The following ACSS3 variants were observed in gnomAD, a reference collection of about 807,000 sequenced individuals.
The protein encoded by ACSS3 is acyl-CoA synthetase short chain family member 3.
A neutral mutation model predicts 84.2 loss-of-function variants in ACSS3; 64 were observed. The ratio of observed to expected loss-of-function variants is 0.76; its 90% CI spans 0.62 to 0.94. ACSS3 has a LOEUF of 0.94. ACSS3 is among the 40% of genes least tolerant of loss of function. ACSS3 has a pLI of 0.00. For missense variants in ACSS3, 815 were observed against 867.6 expected (o/e 0.94, Z 0.76); for synonymous variants, 317 against 310.1 (o/e 1.02, Z -0.23).
chr12:81,246,223 C>T (rs1217779112), intron 13 of ACSS3, among the ~76,000 whole-genome samples: 1 of 152,074 alleles, frequency 6.6e-6, no homozygotes, highest in African/African-American at 2.4e-5. Flanking sequence ...AAGGGGCACA[C>T]CTTAATTGCT....
chr12:81,162,246 G>A (rs1887189171), intron 7 of ACSS3, among the ~76,000 whole-genome samples: 1 of 152,172 alleles, frequency 6.6e-6, no homozygotes, highest in East Asian at 1.9e-4. Flanking sequence ...AAGTGGGTAG[G>A]TCCTGTCCAC....
At chr12:81,148,165 A>G (rs1358158705) in intron 5 of ACSS3, among the ~76,000 whole-genome samples, 1 of 152,124 alleles carries the variant, frequency 6.6e-6, no homozygotes, top group Admixed American at 6.5e-5. Context: ...CCATTAAAAA[A>G]AAAAACTTAT....
chr12:81,155,205 G>A (rs1308480619), intron 7 of ACSS3, among the ~76,000 whole-genome samples: 1 of 152,092 alleles, frequency 6.6e-6, no homozygotes, highest in Non-Finnish European at 1.5e-5. Context: ...CTTCCATCCT[G>A]ACAGCTTGTT....
intron 7 of ACSS3, among the ~76,000 whole-genome samples, chr12:81,156,252 A>G (rs1043271469): frequency 6.6e-6 from 1 of 151,034 alleles, no homozygotes; most frequent in Non-Finnish European, 1.5e-5. Flanking sequence ...TATATATCTC[A>G]AACTGATTGA....
At chr12:81,209,234 A>G (rs925104671) in intron 9 of ACSS3, among the ~76,000 whole-genome samples, 1 of 152,138 alleles carries the variant, frequency 6.6e-6, no homozygotes. Context: ...GCTGATACAA[A>G]TGACTCTCAG....
intron 13 of ACSS3, among the ~76,000 whole-genome samples, chr12:81,252,044 C>T (rs891017316): frequency 2.0e-5 from 3 of 152,108 alleles, no homozygotes; most frequent in African/African-American, 4.8e-5. Context: ...TTTCCAGCCA[C>T]ATTGGTCTCT....
intron 11 of ACSS3, among the ~76,000 whole-genome samples, chr12:81,229,929 C>G (rs1293398375): frequency 6.6e-6 from 1 of 151,812 alleles, no homozygotes; most frequent in Non-Finnish European, 1.5e-5. Context: ...GCATTTTGTT[C>G]CTGACAGAAT....
intron 11 of ACSS3, among the ~76,000 whole-genome samples, chr12:81,229,643 G>A (rs1391977671): frequency 6.6e-6 from 1 of 151,842 alleles, no homozygotes; most frequent in African/African-American, 2.4e-5. Flanking sequence ...TTAGCAAACA[G>A]TAATAATCAC....
chr12:81,190,757 T>C lies in ACSS3; in HGVS notation c.1251-8584T>C, dbSNP rs576630140. ...TTTTGTTATTAATGTATTATTTGTT[T>C]GGAGAAAAGCTATCAAATTAACAAA... is the stretch of plus-strand genomic sequence containing the variant. On this transcript the variant is annotated intron_variant, in intron 8 of 15. Coordinates refer to ENST00000548058, the MANE Select transcript of ACSS3 (RefSeq NM_024560.4). 1.4e-4 allele frequency among the ~76,000 whole-genome samples: 21 copies of C among 152,142 alleles called. No homozygotes were observed. In the East Asian group the frequency reaches 4.1e-3, roughly 29 times the overall value.
chr12:81,224,718 T>A (rs1417159451), intron 11 of ACSS3, among the ~76,000 whole-genome samples: 1 of 151,874 alleles, frequency 6.6e-6, no homozygotes, highest in Non-Finnish European at 1.5e-5. Flanking sequence ...ATAATTCACC[T>A]TTTAAATTGC....
chr12:81,221,249 A>G (rs1416614015), intron 11 of ACSS3, among the ~76,000 whole-genome samples: 2 of 152,100 alleles, frequency 1.3e-5, no homozygotes, highest in African/African-American at 4.8e-5. Flanking sequence ...TTAACATGAT[A>G]TTGACATCTT....
chr12:81,245,288 C>T (rs1347067083), intron 13 of ACSS3, among the ~76,000 whole-genome samples: 2 of 152,066 alleles, frequency 1.3e-5, no homozygotes, highest in Non-Finnish European at 2.9e-5. Context: ...AGTGAAACCC[C>T]GTCTCTACTA....
chr12:81,213,946 TC>T (rs2032776925), intron 9 of ACSS3, among the ~76,000 whole-genome samples: 3 of 75,764 alleles, frequency 4.0e-5, no homozygotes, highest in Non-Finnish European at 9.0e-5. Flanking sequence ...TCTCTCTCTC[TC>T]TCCCTCTCTC....
chr12:81,234,359 A>G (rs1036686836), intron 13 of ACSS3, among the ~76,000 whole-genome samples: 1 of 151,492 alleles, frequency 6.6e-6, no homozygotes, highest in Non-Finnish European at 1.5e-5. Flanking sequence ...TGTTATACAC[A>G]TTCAAATACA....
At chr12:81,253,209 A>T in intron 13 of ACSS3, 98 bp from the exon 14 acceptor site, 1 of 1,266,812 alleles carries the variant, frequency 7.9e-7, no homozygotes, top group African/African-American at 1.5e-5. Flanking sequence ...CTGAAATTAT[A>T]TGTGTTTGTA....
intron 8 of ACSS3, among the ~76,000 whole-genome samples, chr12:81,179,271 C>CAAAAAAAAAAAAAAAAAAAAAAAAAA (rs71098127): frequency 1.5e-5 from 1 of 66,780 alleles, no homozygotes; most frequent in Non-Finnish European, 2.7e-5. Context: ...AAGTAATTGC[C>CAAAAAAAAAAAAAAAAAAAAAAAAAA]AAAAAAAAAA....
At chr12:81,142,946 A>G (rs1048974505) in intron 4 of ACSS3, among the ~76,000 whole-genome samples, 161 bp from the exon 5 acceptor site, 4 of 152,238 alleles carry the variant, frequency 2.6e-5, no homozygotes, top group Non-Finnish European at 5.9e-5. Context: ...CATTTATGTT[A>G]AATCATGAAC....
intron 5 of ACSS3, among the ~76,000 whole-genome samples, chr12:81,145,714 G>A (rs1245994969): frequency 6.6e-6 from 1 of 152,162 alleles, no homozygotes; most frequent in East Asian, 1.9e-4. Flanking sequence ...AGGATGGTTG[G>A]AGGCTAGGGA....
chr12:81,085,594 T>C (rs1157380367), intron 1 of ACSS3, among the ~76,000 whole-genome samples: 1 of 152,222 alleles, frequency 6.6e-6, no homozygotes, highest in Non-Finnish European at 1.5e-5. Flanking sequence ...CCCAGAATCT[T>C]TTCCTCCAAA....
Sources: gnomAD v4.1 joint callset for allele counts (sites outside exome capture counted in the v4.1 genomes callset) on GRCh38, gnomAD v4.1.1 for gene constraint, MANE v1.5 for transcripts, NCBI Gene and HGNC (gene_info 2026-07-23, HGNC 2026-07-21) for gene names.